Variants in TRMT1L observed in about 807,000 individuals in gnomAD.
The protein encoded by TRMT1L is tRNA (guanine(27)-N(2))-dimethyltransferase.
Under a neutral mutation model 81.6 loss-of-function variants are expected in TRMT1L, and 28 were observed. That is an observed-to-expected ratio of 0.34 (90% CI 0.25 to 0.47). The LOEUF (loss-of-function observed/expected upper bound fraction) is 0.47. TRMT1L is among the 20% of genes least tolerant of loss of function. The probability of loss-of-function intolerance (pLI) is 1.00; values close to 1 mark genes in which losing one functional copy is unlikely to be tolerated. For synonymous variants in TRMT1L, 301 were observed against 303.2 expected, an observed-to-expected ratio of 0.99 and a Z score of 0.07; for missense variants, 739 against 877.1, an observed-to-expected ratio of 0.84 and a Z score of 1.99.
At chr1:185,127,906 G>A (rs1652672545) in intron 11 of TRMT1L, among the ~76,000 whole-genome samples, 1 of 152,062 alleles carries the variant, frequency 6.6e-6, no homozygotes, top group Admixed American at 6.6e-5. Context: ...CTGAGATCAG[G>A]AGTTCGAGAC....
At position 185,120,101 on chromosome 1, in the gene TRMT1L, G is replaced by C. The variant is rs1172622150; in HGVS notation, c.2120C>G (p.Ser707Ter). Reference protein sequence around the residue: ...TGGQSESHVQSASEDTVTERV... With the variant: ...TGGQSESHVQ The stretch of plus-strand genomic sequence containing the variant: ...TTCAGTTACTGTATCTTCAGATGCT[G>C]ACTGGACATGGCTTTCTGACTGTCC... Residue 707 changes from serine to a stop codon, truncating the protein, a stop_gained, in exon 15 of 15, where the codon TCA becomes TGA. Transcript: ENST00000367506. LOFTEE classifies it high-confidence loss of function. 4 of 1,613,944 alleles carry C rather than the reference G, an allele frequency of 2.5e-6. No homozygotes were observed. The highest frequency in any genetic ancestry group is 3.4e-6 in the Non-Finnish European group (4 of 1,179,904).
chr1:185,125,464 T>C (rs925303565), intron 11 of TRMT1L, among the ~76,000 whole-genome samples: 1 of 152,092 alleles, frequency 6.6e-6, no homozygotes, highest in Non-Finnish European at 1.5e-5. Flanking sequence ...ACCACACTTC[T>C]GGCCTAAAAC....
At chr1:185,124,679 A>G (rs1252632224) in intron 12 of TRMT1L, among the ~76,000 whole-genome samples, 1 of 151,814 alleles carries the variant, frequency 6.6e-6, no homozygotes, top group Non-Finnish European at 1.5e-5. Flanking sequence ...TTGGGTGAAA[A>G]AGTGAGACCC....
intron 4 of TRMT1L, among the ~76,000 whole-genome samples, chr1:185,146,834 A>G (rs1653199111): frequency 6.6e-6 from 1 of 152,102 alleles, no homozygotes. Flanking sequence ...GATATTTACT[A>G]AATCACAGAA....
Position 185,123,854 on chromosome 1 carries a change from T to A in TRMT1L, c.1822+3A>T. The A allele has an allele frequency of 6.7e-7, 1 of 1,500,342 alleles. No individual in the cohort carries two copies. Among genetic ancestry groups the A allele is most frequent in the African/African-American group, 1.4e-5 (1 of 70,930 alleles). 92.9% of individuals were successfully genotyped at this position (1,500,342 alleles called of 1,614,324 possible). A position where few individuals can be genotyped will look rare whatever the true frequency, so the allele number is the denominator to read the frequency against. ...ATATGTACACACATATATGCATACATACCTTGTGCAATGTAATTATCTGTT... is the reference window on the plus strand; with the variant it reads ...ATATGTACACACATATATGCATACAAACCTTGTGCAATGTAATTATCTGTT... On this transcript the variant is annotated splice_donor_region_variant and intron_variant, in intron 13 of 14. Coordinates refer to ENST00000367506, the MANE Select transcript of TRMT1L (RefSeq NM_030934.5).
At chr1:185,151,339 T>C (rs565090582) in intron 2 of TRMT1L, among the ~76,000 whole-genome samples, 2 of 152,266 alleles carry the variant, frequency 1.3e-5, no homozygotes, top group African/African-American at 4.8e-5. Flanking sequence ...TAGGTACAAT[T>C]TTTATTTTTA....
chr1:185,143,863 A>G (rs1653115085), intron 6 of TRMT1L, 43 bp downstream of exon 6: 2 of 1,537,246 alleles, frequency 1.3e-6, no homozygotes, highest in African/African-American at 1.4e-5. Flanking sequence ...TACACTTATA[A>G]TAATTTGAAA....
chr1:185,145,663 A>AT, intron 4 of TRMT1L, 95 bp from the exon 5 acceptor site: 1 of 1,229,390 alleles, frequency 8.1e-7, no homozygotes, highest in Non-Finnish European at 1.1e-6. Context: ...CTTGGATTTA[A>AT]TGGTATAGAA....
intron 9 of TRMT1L, 119 bp downstream of exon 9, chr1:185,139,248 A>T: frequency 1.3e-6 from 1 of 770,536 alleles, no homozygotes; most frequent in Non-Finnish European, 2.0e-6. Flanking sequence ...AGTATTACAG[A>T]TAAGGAATAC....
intron 10 of TRMT1L, among the ~76,000 whole-genome samples, chr1:185,131,204 T>C (rs1352944445): frequency 6.6e-6 from 1 of 152,034 alleles, no homozygotes. Context: ...TTTCACTGTG[T>C]TAGCCAGGAT....
rs1030467575 is a variant in TRMT1L, at chr1:185,118,718, T to C, written c.*1301A>G. 7 of 152,150 alleles carry C rather than the reference T, an allele frequency of 4.6e-5. No individual in the cohort carries two copies. Among genetic ancestry groups the C allele is most frequent in the Admixed American group, 1.3e-4 (2 of 15,276 alleles). 9.4% of individuals were successfully genotyped at this position (152,150 alleles called of 1,614,324 possible). ...AAAGGAAAATAAACTCTCTTGGGAA[T>C]ACGCTGTACTAGCACGAAGAGATTT... is the stretch of plus-strand genomic sequence containing the variant. On this transcript the variant is annotated 3_prime_UTR_variant, in exon 15 of 15. Coordinates refer to ENST00000367506, the MANE Select transcript of TRMT1L (RefSeq NM_030934.5).
Position 185,118,376 on chromosome 1 carries a change from TTA to T in TRMT1L, c.*1641_*1642del, listed in dbSNP as rs1652413932. The T allele has an allele frequency of 6.6e-6, 1 of 152,182 alleles. No homozygotes were observed. The allele number at this position is 152,182 out of a possible 1,614,324, so 9.4% of individuals were successfully genotyped here. ...TAACAGTAATTTACAGGTTTCTTTA[TTA>T]AATTAGGATCTTTGCATTAAGCCCA... On this transcript the variant is annotated 3_prime_UTR_variant, in exon 15 of 15. Transcript: ENST00000367506.
chr1:185,127,333 G>A (rs1288310266), intron 11 of TRMT1L, among the ~76,000 whole-genome samples: 2 of 152,116 alleles, frequency 1.3e-5, no homozygotes, highest in Non-Finnish European at 2.9e-5. Context: ...AAAATCATGA[G>A]CATCAGCACA....
chr1:185,148,593 C>G (rs1228331764), intron 3 of TRMT1L, among the ~76,000 whole-genome samples: 1 of 152,122 alleles, frequency 6.6e-6, no homozygotes, highest in East Asian at 1.9e-4. Context: ...GAACCACATC[C>G]ATGAGTAAGT....
In TRMT1L at chr1:185,118,839, G is replaced by GTA. The variant is rs1652424985; in HGVS notation, c.*1178_*1179dup. The GTA allele has an allele frequency of 1.3e-5, 2 of 151,732 alleles. No homozygotes were observed. Among genetic ancestry groups the GTA allele is most frequent in the South Asian group, 4.1e-4 (2 of 4,822 alleles). 9.4% of individuals were successfully genotyped at this position (151,732 alleles called of 1,614,324 possible). A position where few individuals can be genotyped will look rare whatever the true frequency, so the allele number is the denominator to read the frequency against. Reference sequence around the variant, plus strand: ...CACAGAAGTACTTTTTTCTTAGGTAGTATATTTAAACCTTTCAGTTATAAT... The same window carrying GTA: ...CACAGAAGTACTTTTTTCTTAGGTAGTATATATTTAAACCTTTCAGTTATAAT... On this transcript the variant is annotated 3_prime_UTR_variant, in exon 15 of 15. Transcript: ENST00000367506.
At position 185,147,220 on chromosome 1, in the gene TRMT1L, G is replaced by GT; in HGVS notation, c.486dup (p.Pro163ThrfsTer17). ...ATGTTTGGTTTCACTGGTCGACAAGGTAAGTGACAGATGCACATCCTGTAA... is the reference window on the plus strand; with the variant it reads ...ATGTTTGGTTTCACTGGTCGACAAGGTTAAGTGACAGATGCACATCCTGTAA... On this transcript the variant is annotated frameshift_variant, in exon 4 of 15. Transcript: ENST00000367506. LOFTEE classifies it high-confidence loss of function. The GT allele has an allele frequency of 6.2e-7, 1 of 1,610,332 alleles. No homozygotes were observed. The highest frequency in any genetic ancestry group is 8.5e-7 in the Non-Finnish European group (1 of 1,177,616).
In TRMT1L at chr1:185,151,838, ATC is replaced by A. The variant is rs1351171105; in HGVS notation, c.331_332del (p.Asp111Ter). ...NFDSASSLNS[D>X]NLDAGNRQAC... is the part of the protein sequence containing the mutation. Reference sequence around the variant, plus strand: ...ACATGGAAATACCTGCATCAAGATTATCTGAGTTCAATGAGCTGGCAGAGTCA... The same window carrying A: ...ACATGGAAATACCTGCATCAAGATTATGAGTTCAATGAGCTGGCAGAGTCA... On this transcript the variant is annotated frameshift_variant, in exon 2 of 15. Coordinates refer to ENST00000367506, the MANE Select transcript of TRMT1L (RefSeq NM_030934.5). LOFTEE classifies it high-confidence loss of function. 6.3e-7 allele frequency: 1 copy of A among 1,582,070 alleles called. No homozygotes were observed. The highest frequency in any genetic ancestry group is 8.6e-7 in the Non-Finnish European group (1 of 1,168,718).
At chr1:185,121,200 T>G (rs759732987) in intron 13 of TRMT1L, among the ~76,000 whole-genome samples, 1 of 152,214 alleles carries the variant, frequency 6.6e-6, no homozygotes, top group East Asian at 1.9e-4. Flanking sequence ...AATACTATAA[T>G]GAGATTTTGC....
In TRMT1L at chr1:185,156,499, C is replaced by A; in HGVS notation, c.214G>T (p.Ala72Ser). 1 of 1,613,908 alleles carries A rather than the reference C, an allele frequency of 6.2e-7. No homozygotes were observed. The highest frequency in any genetic ancestry group is 1.1e-5 in the South Asian group (1 of 91,080). ...APALSPSLAS[A>S]PEEAKSKRHI... Reference sequence around the variant, plus strand: ...TTACTGCTTTTAGCCTCCTCAGGGGCAGAGGCTAGGGACGGGGACAGGGCC... The same window carrying A: ...TTACTGCTTTTAGCCTCCTCAGGGGAAGAGGCTAGGGACGGGGACAGGGCC... Residue 72 changes from alanine to serine, a missense_variant, in exon 1 of 15, where the codon GCC (alanine) becomes TCC (serine). By Grantham distance (99) the Ala-to-Ser change is moderately conservative. This residue lies in a region of TRMT1L where 209 missense variants were observed against 165.4 expected (regional missense o/e 1.26). Transcript: ENST00000367506.
Sources: allele counts gnomAD v4.1 joint callset (sites outside exome capture counted in the v4.1 genomes callset), GRCh38; gene constraint gnomAD v4.1.1; regional missense constraint gnomAD v4.1.1; transcripts MANE v1.5; gene names NCBI Gene and HGNC (gene_info 2026-07-23, HGNC 2026-07-21).